PARN: variants seen among roughly 807,000 people sequenced by gnomAD.
PARN encodes the protein poly(A)-specific ribonuclease PARN.
PARN carries 71 observed loss-of-function variants against 102.8 expected under a neutral mutation model. The observed-to-expected ratio is 0.69, with a 90% CI of 0.57 to 0.84. PARN has a LOEUF of 0.84. Ranked by LOEUF, PARN falls within the 40% of genes least tolerant of loss-of-function variation. The probability of loss-of-function intolerance (pLI) is 0.00; values close to 1 mark genes in which losing one functional copy is unlikely to be tolerated. For missense variants in PARN, 782 were observed against 760.9 expected, an observed-to-expected ratio of 1.03 and a Z score of -0.33; for synonymous variants, 261 against 252.9, an observed-to-expected ratio of 1.03 and a Z score of -0.30.
At chr16:14,442,652 C>CTG (rs1960996754) in intron 23 of PARN, among the ~76,000 whole-genome samples, 1 of 146,676 alleles carries the variant, frequency 6.8e-6, no homozygotes, top group East Asian at 2.2e-4. Flanking sequence ...GAGTCTTGCT[C>CTG]TGTCACCCAA....
At chr16:14,509,936 T>C (rs372871330) in intron 21 of PARN, among the ~76,000 whole-genome samples, 4 of 152,348 alleles carry the variant, frequency 2.6e-5, no homozygotes, top group African/African-American at 9.6e-5. Context: ...TGTGAGGGCC[T>C]GGTTGATTCT....
At chr16:14,476,512 CA>C (rs1963059028) in intron 22 of PARN, among the ~76,000 whole-genome samples, 2 of 152,088 alleles carry the variant, frequency 1.3e-5, no homozygotes, top group South Asian at 4.1e-4. Flanking sequence ...CATGGTAACT[CA>C]AAAGTAGCCA....
chr16:14,525,595 T>C (rs1965954427), intron 21 of PARN, among the ~76,000 whole-genome samples: 3 of 152,234 alleles, frequency 2.0e-5, no homozygotes, highest in African/African-American at 7.2e-5. Context: ...CTGTCCCTCC[T>C]GTTCATGGCA....
At chr16:14,627,016 A>G (rs1972714904) in intron 5 of PARN, 90 bp downstream of exon 5, 1 of 765,892 alleles carries the variant, frequency 1.3e-6, no homozygotes, top group African/African-American at 1.7e-5. Flanking sequence ...CCCAAAGCCC[A>G]AAGTTAATAG....
At chr16:14,579,649 G>A (rs1969380650) in intron 18 of PARN, among the ~76,000 whole-genome samples, 1 of 152,056 alleles carries the variant, frequency 6.6e-6, no homozygotes, top group African/African-American at 2.4e-5. Flanking sequence ...TTAACATCAA[G>A]TACATAAAAA....
chr16:14,532,219 C>T (rs1329837081), intron 21 of PARN, among the ~76,000 whole-genome samples: 2 of 142,158 alleles, frequency 1.4e-5, no homozygotes, highest in Admixed American at 7.3e-5. Flanking sequence ...GGGTGTTTCT[C>T]GCAGAGGGGG....
intron 9 of PARN, among the ~76,000 whole-genome samples, chr16:14,607,267 G>A (rs1971247303): frequency 6.6e-6 from 1 of 152,042 alleles, no homozygotes; most frequent in Non-Finnish European, 1.5e-5. Context: ...GGAGTGCCAA[G>A]CCGCAATCTT....
Position 14,446,794 on chromosome 16 carries a change from T to C in PARN, c.1864+94A>G, listed in dbSNP as rs995614558. 48 of 834,596 alleles carry C rather than the reference T, an allele frequency of 5.8e-5. No individual in the cohort carries two copies. In the South Asian group the frequency reaches 9.3e-4, roughly 16 times the overall value. The allele number at this position is 834,596 out of a possible 1,614,324, so 51.7% of individuals were successfully genotyped here. On this transcript the variant is annotated intron_variant, in intron 23 of 23. Coordinates refer to ENST00000437198, the MANE Select transcript of PARN (RefSeq NM_002582.4). ...AGACTACATGGGCTTTGCCACCAAG[T>C]GAAGCCTTGCTATAATTTCTCCCCC...
intron 21 of PARN, among the ~76,000 whole-genome samples, chr16:14,537,829 A>G (rs1165384447): frequency 6.6e-6 from 1 of 152,210 alleles, no homozygotes; most frequent in African/African-American, 2.4e-5. Context: ...ACAAAATTAC[A>G]GTGAGATAAG....
At chr16:14,557,229 G>A (rs1356626288) in intron 18 of PARN, among the ~76,000 whole-genome samples, 1 of 151,960 alleles carries the variant, frequency 6.6e-6, no homozygotes, top group Non-Finnish European at 1.5e-5. Context: ...TTGGCTTCAC[G>A]GACCCACAGT....
intron 21 of PARN, among the ~76,000 whole-genome samples, chr16:14,538,366 A>G (rs553022574): frequency 6.6e-6 from 1 of 151,760 alleles, no homozygotes; most frequent in African/African-American, 2.4e-5. Flanking sequence ...CTACAGGTGC[A>G]ACGCCACCAT....
chr16:14,437,154 G>GT (rs1460915404), intron 23 of PARN, among the ~76,000 whole-genome samples: 5 of 152,194 alleles, frequency 3.3e-5, no homozygotes, highest in African/African-American at 1.2e-4. Flanking sequence ...CACCAAGGTG[G>GT]TAACACTACC....
Position 14,576,291 on chromosome 16 carries a change from A to G in PARN, c.1262+4583T>C, listed in dbSNP as rs1323040156. Reference sequence around the variant, plus strand: ...CCAGCGGAACCCTGTTCAGATTCAAAACAAGGAAGCAGTCCTGTAGAGTAA... The same window carrying G: ...CCAGCGGAACCCTGTTCAGATTCAAGACAAGGAAGCAGTCCTGTAGAGTAA... On this transcript the variant is annotated intron_variant, in intron 18 of 23. Transcript: ENST00000437198. The G allele has an allele frequency of 2.0e-5, 3 of 152,204 alleles. No individual in the cohort carries two copies. In the East Asian group the frequency reaches 5.8e-4, roughly 29 times the overall value. 9.4% of individuals were successfully genotyped at this position (152,204 alleles called of 1,614,324 possible).
At chr16:14,606,680 T>G (rs180756549) in intron 9 of PARN, among the ~76,000 whole-genome samples, 154 bp from the exon 10 acceptor site, 106 of 152,308 alleles carry the variant, frequency 7.0e-4, no homozygotes, top group Non-Finnish European at 1.5e-4. Context: ...ACATTTATTT[T>G]ATAACGTTTC....
At chr16:14,571,770 G>A (rs1197951815) in intron 18 of PARN, among the ~76,000 whole-genome samples, 1 of 152,108 alleles carries the variant, frequency 6.6e-6, no homozygotes. Flanking sequence ...TATCAAACAG[G>A]TTCTAATATT....
intron 12 of PARN, among the ~76,000 whole-genome samples, chr16:14,598,744 C>G (rs1970684025): frequency 1.3e-5 from 2 of 152,150 alleles, no homozygotes; most frequent in African/African-American, 4.8e-5. Context: ...CTCTGTTTAT[C>G]CCGGAATGAG....
chr16:14,514,336 C>A (rs1197819978), intron 21 of PARN, among the ~76,000 whole-genome samples: 1 of 152,128 alleles, frequency 6.6e-6, no homozygotes, highest in South Asian at 2.1e-4. Flanking sequence ...AGGTGCCCAC[C>A]ACCATGCCTG....
chr16:14,497,103 A>T (rs1183952829), intron 21 of PARN, among the ~76,000 whole-genome samples: 1 of 152,142 alleles, frequency 6.6e-6, no homozygotes, highest in Non-Finnish European at 1.5e-5. Context: ...ATCACTAAAC[A>T]ATACCTACTT....
intron 21 of PARN, among the ~76,000 whole-genome samples, chr16:14,534,833 A>ATTT (rs553597929): frequency 0.027 from 3,889 of 142,206 alleles, 75 homozygotes; most frequent in Non-Finnish European, 0.041. Flanking sequence ...TCATTTCTAA[A>ATTT]TTTTTTTTTT....
Sources: gnomAD v4.1 joint callset for allele counts (sites outside exome capture counted in the v4.1 genomes callset) on GRCh38, gnomAD v4.1.1 for gene constraint, MANE v1.5 for transcripts, NCBI Gene and HGNC (gene_info 2026-07-23, HGNC 2026-07-21) for gene names.